CCSER1: variants seen among roughly 807,000 people sequenced by gnomAD.
CCSER1 encodes serine-rich coiled-coil domain-containing protein 1.
Under a neutral mutation model 82.0 loss-of-function variants are expected in CCSER1, and 41 were observed. That is an observed-to-expected ratio of 0.50 (90% CI 0.39 to 0.65). The LOEUF is 0.65. CCSER1 is among the 30% of genes least tolerant of loss of function. The pLI is 0.00. For missense variants in CCSER1, 1,119 were observed against 1,064.2 expected (o/e 1.05, Z -0.72); for synonymous variants, 414 against 383.9 (o/e 1.08, Z -0.92).
intron 9 of CCSER1, among the ~76,000 whole-genome samples, chr4:90,943,707 C>T (rs1731864693): frequency 7.0e-6 from 1 of 142,632 alleles, no homozygotes; most frequent in Admixed American, 7.2e-5. Flanking sequence ...GGACTACAAA[C>T]ATGAGCCACT....
intron 10 of CCSER1, among the ~76,000 whole-genome samples, chr4:91,305,507 AATG>A (rs1744987164): frequency 6.6e-6 from 1 of 152,102 alleles, no homozygotes; most frequent in Non-Finnish European, 1.5e-5. Context: ...AAGGCTATAA[AATG>A]TAATCAATAT....
At chr4:90,672,489 G>T (rs1245097565) in intron 6 of CCSER1, among the ~76,000 whole-genome samples, 1 of 152,008 alleles carries the variant, frequency 6.6e-6, no homozygotes, top group African/African-American at 2.4e-5. Context: ...TGGTTTAAGG[G>T]AATGTTATGG....
At chr4:91,243,126 T>C (rs1167859446) in intron 10 of CCSER1, among the ~76,000 whole-genome samples, 1 of 152,106 alleles carries the variant, frequency 6.6e-6, no homozygotes, top group African/African-American at 2.4e-5. Context: ...CAGAGGACTT[T>C]ACATTGAACT....
At chr4:90,811,975 T>TATATATATAAACACACACACACAC (rs1758385479) in intron 7 of CCSER1, among the ~76,000 whole-genome samples, 2 of 88,496 alleles carry the variant, frequency 2.3e-5, no homozygotes, top group Admixed American at 1.1e-4. Flanking sequence ...TACACATATA[T>TATATATATAAACACACACACACAC]ATATATATAT....
intron 7 of CCSER1, among the ~76,000 whole-genome samples, chr4:90,754,214 A>G (rs1448974546): frequency 1.3e-5 from 2 of 152,162 alleles, no homozygotes; most frequent in Admixed American, 1.3e-4. Context: ...CTTATTCATC[A>G]ATGTATCTTT....
At chr4:90,447,516 A>T (rs1760822653) in intron 4 of CCSER1, among the ~76,000 whole-genome samples, 1 of 152,334 alleles carries the variant, frequency 6.6e-6, no homozygotes, top group Non-Finnish European at 1.5e-5. Context: ...GGCTGTCTAA[A>T]TATGGACTCA....
intron 10 of CCSER1, among the ~76,000 whole-genome samples, chr4:91,547,249 T>A (rs1246813550): frequency 1.3e-5 from 2 of 152,294 alleles, no homozygotes; most frequent in East Asian, 3.9e-4. Context: ...TTTAGTAATG[T>A]CCTTACTAAT....
At chr4:90,666,232 A>C (rs1293230279) in intron 6 of CCSER1, among the ~76,000 whole-genome samples, 2 of 152,152 alleles carry the variant, frequency 1.3e-5, no homozygotes, top group African/African-American at 2.4e-5. Context: ...ATTCTGGATA[A>C]TCTATTTTAA....
At chr4:91,388,673 G>T (rs371585719) in intron 10 of CCSER1, among the ~76,000 whole-genome samples, 1 of 152,002 alleles carries the variant, frequency 6.6e-6, no homozygotes, top group East Asian at 1.9e-4. Flanking sequence ...ATCTTTTCAT[G>T]TGCTTATTTT....
intron 10 of CCSER1, among the ~76,000 whole-genome samples, chr4:91,492,971 T>G (rs1201702037): frequency 1.3e-5 from 2 of 152,048 alleles, no homozygotes; most frequent in African/African-American, 4.8e-5. Context: ...TTACATAGTG[T>G]AGATTATTTT....
chr4:91,050,933 C>T (rs528224406), intron 9 of CCSER1, among the ~76,000 whole-genome samples: 1 of 152,124 alleles, frequency 6.6e-6, no homozygotes, highest in East Asian at 1.9e-4. Context: ...TTATTCCCTT[C>T]TTATAATATT....
chr4:91,177,748 G>C (rs1733552646), intron 10 of CCSER1, among the ~76,000 whole-genome samples: 1 of 151,908 alleles, frequency 6.6e-6, no homozygotes, highest in Admixed American at 6.6e-5. Context: ...CGATTTTGTT[G>C]ATCTTTTCAA....
At chr4:90,428,055 A>T (rs1757771880) in intron 4 of CCSER1, among the ~76,000 whole-genome samples, 1 of 151,834 alleles carries the variant, frequency 6.6e-6, no homozygotes, top group Non-Finnish European at 1.5e-5. Flanking sequence ...TTGATGTGCT[A>T]ATCTAAGTTT....
chr4:90,698,908 C>T (rs1737491826), intron 6 of CCSER1, among the ~76,000 whole-genome samples: 1 of 152,014 alleles, frequency 6.6e-6, no homozygotes, highest in African/African-American at 2.4e-5. Flanking sequence ...AGTTTGAGAA[C>T]AGCCTGGGCA....
chr4:91,593,014 TTAAACGTTCATTAATCAGTGA>T (rs754651020), intron 10 of CCSER1, among the ~76,000 whole-genome samples: 47 of 152,178 alleles, frequency 3.1e-4, no homozygotes, highest in Non-Finnish European at 5.7e-4. Context: ...TAAAACATTA[TTAAACGTTCATTAATCAGTGA>T]TTGAAGTATT....
chr4:91,328,092 C>T (rs899710316), intron 10 of CCSER1, among the ~76,000 whole-genome samples: 16 of 152,212 alleles, frequency 1.1e-4, no homozygotes, highest in African/African-American at 3.6e-4. Context: ...GCCTTAAAAA[C>T]TGTCCTAACT....
chr4:91,000,188 G>A (rs1052646111), intron 9 of CCSER1, among the ~76,000 whole-genome samples: 1 of 151,142 alleles, frequency 6.6e-6, no homozygotes, highest in East Asian at 1.9e-4. Context: ...GGTTATATAG[G>A]CTAATGCATA....
At chr4:91,406,903 G>A (rs1752738096) in intron 10 of CCSER1, among the ~76,000 whole-genome samples, 1 of 151,976 alleles carries the variant, frequency 6.6e-6, no homozygotes, top group South Asian at 2.1e-4. Context: ...AACAACCTTT[G>A]TTTATTTGAA....
chr4:90,701,190 G>C (rs954753646), intron 6 of CCSER1, among the ~76,000 whole-genome samples: 6 of 152,058 alleles, frequency 3.9e-5, no homozygotes, highest in Non-Finnish European at 7.4e-5. Context: ...CCAGTTTCAG[G>C]TTTCTACATA....
Sources: gnomAD v4.1 joint callset for allele counts (sites outside exome capture counted in the v4.1 genomes callset) on GRCh38, gnomAD v4.1.1 for gene constraint, MANE v1.5 for transcripts, NCBI Gene and HGNC (gene_info 2026-07-23, HGNC 2026-07-21) for gene names.